The following ACLY variants were observed in gnomAD, a reference collection of about 807,000 sequenced individuals.
ACLY encodes the protein ATP-citrate synthase.
ACLY carries 41 observed loss-of-function variants against 133.0 expected under a neutral mutation model. The observed-to-expected ratio is 0.31, with a 90% CI of 0.24 to 0.40. The LOEUF (loss-of-function observed/expected upper bound fraction) is 0.40. Ranked by LOEUF, ACLY falls within the 10% of genes least tolerant of loss-of-function variation. The pLI, the probability that ACLY is intolerant of heterozygous loss-of-function variation, is 1.00. For missense variants in ACLY, 1,046 were observed against 1,453.8 expected, an observed-to-expected ratio of 0.72 and a Z score of 4.56; for synonymous variants, 495 against 549.3, an observed-to-expected ratio of 0.90 and a Z score of 1.38.
chr17:41,900,458 G>A (rs1449438542), intron 11 of ACLY, among the ~76,000 whole-genome samples: 3 of 151,848 alleles, frequency 2.0e-5, no homozygotes, highest in African/African-American at 7.3e-5. Flanking sequence ...AGTGGCTCAC[G>A]TCTATAATCC....
At chr17:41,876,835 A>C (rs1360976785) in intron 22 of ACLY, among the ~76,000 whole-genome samples, 1 of 151,716 alleles carries the variant, frequency 6.6e-6, no homozygotes, top group Admixed American at 6.6e-5. Flanking sequence ...TTATCTGCTG[A>C]CCTTCCCTCC....
At chr17:41,889,558 A>T (rs539367631) in intron 16 of ACLY, among the ~76,000 whole-genome samples, 2 of 148,524 alleles carry the variant, frequency 1.3e-5, no homozygotes, top group South Asian at 4.3e-4. Flanking sequence ...AAAAAAAAAG[A>T]AGTAGCTCAT....
At chr17:41,885,225 C>G (rs2049018704) in intron 18 of ACLY, among the ~76,000 whole-genome samples, 1 of 152,160 alleles carries the variant, frequency 6.6e-6, no homozygotes, top group African/African-American at 2.4e-5. Flanking sequence ...AGAAGACAAT[C>G]TAAACAAGCA....
chr17:41,907,399 C>T (rs1372243192), intron 7 of ACLY, 43 bp downstream of exon 7: 25 of 1,583,326 alleles, frequency 1.6e-5, no homozygotes, highest in Middle Eastern at 1.8e-4. Flanking sequence ...ACCTCCCCAC[C>T]GCCCTCCCCC....
At position 41,872,055 on chromosome 17, in the gene ACLY, G is replaced by A. The variant is rs1555625201; in HGVS notation, c.2770C>T (p.Leu924Phe). Residue 924 changes from leucine (L) to phenylalanine (F), a missense_variant, in exon 24 of 29, where the codon CTC becomes TTC. Around this residue, in one of 4 missense-constraint regions of ACLY, gnomAD observed 205 missense variants for 373.3 expected, o/e 0.55. Coordinates refer to ENST00000352035, the MANE Select transcript of ACLY (RefSeq NM_001096.3). ...ACGATGGTGAGCAGCCCCGAGGTGA[G>A]GCTGGAGACCAGGTCTTTCCCAGCT... ...ARAGKDLVSS[L>F]TSGLLTIGDR... The A allele has an allele frequency of 5.6e-6, 9 of 1,614,006 alleles. No individual in the cohort carries two copies. The highest frequency in any genetic ancestry group is 6.8e-6 in the Non-Finnish European group (8 of 1,179,940).
At chr17:41,884,938 T>G (rs1555627909) in intron 18 of ACLY, among the ~76,000 whole-genome samples, 2 of 152,138 alleles carry the variant, frequency 1.3e-5, no homozygotes, top group African/African-American at 4.8e-5. Flanking sequence ...GGTGCGATGT[T>G]GGTGCACTGC....
chr17:41,912,905 A>G (rs1388847085), intron 2 of ACLY, among the ~76,000 whole-genome samples: 1 of 152,192 alleles, frequency 6.6e-6, no homozygotes, highest in East Asian at 1.9e-4. Context: ...TCCAAAGAGG[A>G]AAACAGAGAG....
intron 22 of ACLY, among the ~76,000 whole-genome samples, chr17:41,874,319 G>A (rs1166432242): frequency 6.6e-6 from 1 of 152,160 alleles, no homozygotes; most frequent in African/African-American, 2.4e-5. Flanking sequence ...CCAGGCTGGA[G>A]TACACTGGTG....
rs782375503 is a variant in ACLY, at chr17:41,906,554, G to C, written c.840C>G (p.Ala280=). The change falls in exon 8 of 29, where the codon GCC becomes GCG. Residue 280 remains alanine, a synonymous_variant. Coordinates refer to ENST00000352035, the MANE Select transcript of ACLY (RefSeq NM_001096.3). ...NPKGRIWTMV[A]GGGASVVYSD... The stretch of plus-strand genomic sequence containing the variant: ...TGTACACGACAGAGGCGCCACCCCC[G>C]GCCACCATGGTCCAGATCCTCCCTT... 6.2e-7 allele frequency: 1 copy of C among 1,614,018 alleles called. No homozygotes were observed. The highest frequency in any genetic ancestry group is 8.5e-7 in the Non-Finnish European group (1 of 1,179,982).
At chr17:41,888,043 G>A (rs571861842) in intron 16 of ACLY, among the ~76,000 whole-genome samples, 433 of 152,216 alleles carry the variant, frequency 2.8e-3, no homozygotes, top group Admixed American at 6.2e-3. Flanking sequence ...CAGGAGAACT[G>A]CTTGAGCCCG....
At chr17:41,883,694 C>T (rs1555627736) in intron 19 of ACLY, among the ~76,000 whole-genome samples, 2 of 150,370 alleles carry the variant, frequency 1.3e-5, no homozygotes, top group African/African-American at 2.4e-5. Context: ...AAGTGATTCT[C>T]CCACCTCAGC....
At chr17:41,899,749 C>T (rs1283006374) in intron 11 of ACLY, among the ~76,000 whole-genome samples, 1 of 152,030 alleles carries the variant, frequency 6.6e-6, no homozygotes, top group Admixed American at 6.6e-5. Context: ...CAGCTTTGAA[C>T]CAGCTCTATT....
chr17:41,869,240 C>T (rs1555624589), intron 26 of ACLY, 115 bp from the exon 27 acceptor site: 1 of 1,020,050 alleles, frequency 9.8e-7, no homozygotes, highest in Non-Finnish European at 1.5e-6. Flanking sequence ...AACCTTCTAC[C>T]AGCCCCACTG....
At chr17:41,924,127 CTTTTTATTTATTTAT>C (rs200977402) in intron 1 of ACLY, among the ~76,000 whole-genome samples, 5,166 of 148,228 alleles carry the variant, frequency 0.035, 320 homozygotes, top group African/African-American at 0.12. Flanking sequence ...CTATTTTTTT[CTTTTTATTTATTTAT>C]TTTTTATTTA....
rs962178353 is a variant in ACLY at position 41,911,742 on chromosome 17, G to A, written c.282+678C>T. 2.6e-5 allele frequency among the ~76,000 whole-genome samples: 4 copies of A among 152,172 alleles called. No homozygotes were observed. The South Asian group carries it at 8.3e-4, about 32-fold the overall frequency. ...GAGGTGGGAGGATAACTTGAACCTG[G>A]GAAGTGGAGGCTGTAGTGAGATGTG... On this transcript the variant is annotated intron_variant, in intron 3 of 28. Coordinates refer to ENST00000352035, the MANE Select transcript of ACLY (RefSeq NM_001096.3).
At chr17:41,892,523 T>G in intron 15 of ACLY, 76 bp from the exon 16 acceptor site, 1 of 1,350,756 alleles carries the variant, frequency 7.4e-7, no homozygotes. Context: ...AGGGGAGGAA[T>G]TTCACCTAGA....
intron 17 of ACLY, 118 bp from the exon 18 acceptor site, chr17:41,886,426 C>A: frequency 9.9e-7 from 1 of 1,006,716 alleles, no homozygotes; most frequent in Non-Finnish European, 1.4e-6. Flanking sequence ...AGAGAATGAC[C>A]AAGAGAAATC....
At chr17:41,872,829 T>C (rs1157708288) in intron 23 of ACLY, among the ~76,000 whole-genome samples, 1 of 152,038 alleles carries the variant, frequency 6.6e-6, no homozygotes, top group Non-Finnish European at 1.5e-5. Flanking sequence ...GTATTCAACC[T>C]CCCAACTAAG....
chr17:41,910,786 A>G (rs1477008801), intron 3 of ACLY, among the ~76,000 whole-genome samples: 1 of 152,228 alleles, frequency 6.6e-6, no homozygotes, highest in Non-Finnish European at 1.5e-5. Flanking sequence ...ACAGGCCTGC[A>G]GAGCTAATCA....
Sources: allele counts gnomAD v4.1 joint callset (sites outside exome capture counted in the v4.1 genomes callset), GRCh38; gene constraint gnomAD v4.1.1; regional missense constraint gnomAD v4.1.1; transcripts MANE v1.5; gene names NCBI Gene and HGNC (gene_info 2026-07-23, HGNC 2026-07-21).